TLK1: variants seen among roughly 807,000 people sequenced by gnomAD.
The protein encoded by TLK1 is tousled like kinase 1.
A neutral mutation model predicts 105.3 loss-of-function variants in TLK1; 24 were observed. The ratio of observed to expected loss-of-function variants is 0.23; its 90% CI spans 0.17 to 0.32. TLK1 has a LOEUF of 0.32. Among genes scored for constraint, TLK1 ranks in the 10% least tolerant of loss-of-function variants. The pLI is 1.00. For missense variants in TLK1, 558 were observed against 910.5 expected (o/e 0.61, Z 4.98); for synonymous variants, 321 against 310.4 (o/e 1.03, Z -0.36).
chr2:171,226,596 G>A (rs2105333486), intron 1 of TLK1, among the ~76,000 whole-genome samples: 1 of 152,264 alleles, frequency 6.6e-6, no homozygotes, highest in East Asian at 1.9e-4. Context: ...ATCATGGAGG[G>A]AAAGCACTTC....
At chr2:171,080,145 C>A (rs1018499355) in intron 3 of TLK1, among the ~76,000 whole-genome samples, 1 of 146,076 alleles carries the variant, frequency 6.8e-6, no homozygotes, top group African/African-American at 2.5e-5. Flanking sequence ...TGCAGTGAGA[C>A]GAGATCGCAC....
chr2:171,038,501 A>G (rs1686486525), intron 11 of TLK1, among the ~76,000 whole-genome samples: 1 of 152,124 alleles, frequency 6.6e-6, no homozygotes, highest in Non-Finnish European at 1.5e-5. Context: ...CAATTTTGTT[A>G]TGTAGCACTT....
intron 1 of TLK1, among the ~76,000 whole-genome samples, chr2:171,118,698 A>G (rs1482413637): frequency 2.6e-5 from 4 of 152,240 alleles, no homozygotes; most frequent in African/African-American, 9.6e-5. Flanking sequence ...CAAAAACCCC[A>G]GAAGTGACAT....
At chr2:171,197,514 C>T (rs1366881839) in intron 1 of TLK1, among the ~76,000 whole-genome samples, 1 of 152,162 alleles carries the variant, frequency 6.6e-6, no homozygotes, top group Admixed American at 6.5e-5. Flanking sequence ...CACAGTGGCT[C>T]ACGCCTGCAA....
At chr2:171,203,570 A>C (rs1382938948) in intron 1 of TLK1, among the ~76,000 whole-genome samples, 1 of 152,190 alleles carries the variant, frequency 6.6e-6, no homozygotes, top group East Asian at 1.9e-4. Flanking sequence ...TATAAACCAC[A>C]TTTTGTTTAT....
Position 171,224,659 on chromosome 2 carries a change from T to C in TLK1, c.-6+6486A>G, listed in dbSNP as rs371892133. On this transcript the variant is annotated intron_variant, in intron 1 of 20. Transcript: ENST00000521943. Reference sequence around the variant, plus strand: ...ATCTACAGATTCAACAAAATCCCTATAAAAATCCCAGCTACTTTTTTAATT... The same window carrying C: ...ATCTACAGATTCAACAAAATCCCTACAAAAATCCCAGCTACTTTTTTAATT... Among the ~76,000 whole-genome samples the C allele has an allele frequency of 1.5e-4, 23 of 152,276 alleles. No homozygotes were observed. The South Asian group carries it at 4.8e-3, about 32-fold the overall frequency.
chr2:171,160,366 C>T lies in TLK1; in HGVS notation c.63G>A (p.Thr21=), dbSNP rs2105614010. Residue 21 remains threonine (T), a synonymous_variant, in exon 1 of 21, where the codon ACG becomes ACA. Coordinates refer to ENST00000431350, the MANE Select transcript of TLK1 (RefSeq NM_012290.5). This position sits in a 1 kb window ranked among gnomAD's most constrained non-coding sequence, Gnocchi z 4.4. ...EGPPSWSQLS[T]SPTPGSAAAA... ...CCGCCGCCGAGCCCGGGGTTGGAGA[C>T]GTGGAGAGCTGGGACCAAGATGGCG... The T allele has an allele frequency of 1.2e-6, 2 of 1,605,610 alleles. No homozygotes were observed. Among genetic ancestry groups the T allele is most frequent in the Non-Finnish European group, 1.7e-6 (2 of 1,176,596 alleles).
At chr2:171,228,446 G>A (rs1401296130) in intron 1 of TLK1, among the ~76,000 whole-genome samples, 1 of 152,166 alleles carries the variant, frequency 6.6e-6, no homozygotes, top group Non-Finnish European at 1.5e-5. Flanking sequence ...AGTTACTTGG[G>A]AGGCTGAGGT....
At chr2:171,210,623 A>C (rs1299559886) in intron 1 of TLK1, among the ~76,000 whole-genome samples, 1 of 152,240 alleles carries the variant, frequency 6.6e-6, no homozygotes, top group Non-Finnish European at 1.5e-5. Flanking sequence ...ACAAAGTCAA[A>C]CAAAACAAAC....
intron 1 of TLK1, among the ~76,000 whole-genome samples, chr2:171,203,978 TG>T (rs1252527721): frequency 1.3e-5 from 2 of 151,220 alleles, no homozygotes; most frequent in African/African-American, 4.9e-5. Context: ...CTTGAACCGG[TG>T]GGGGGCAGAG....
intron 1 of TLK1, chr2:171,153,863 C>CTT (rs1692135636): frequency 6.6e-6 from 1 of 152,200 alleles, no homozygotes; most frequent in African/African-American, 2.4e-5. Flanking sequence ...TGCTCATAAA[C>CTT]TTAAATACCC....
At chr2:171,023,022 T>G (rs1685599759) in intron 12 of TLK1, 4 of 470,534 alleles carry the variant, frequency 8.5e-6, no homozygotes, top group Middle Eastern at 3.3e-4. Context: ...TCATGGAAGA[T>G]TAATACTGAT....
chr2:171,201,898 C>CATCTATCTATCTATCT (rs3081728), intron 1 of TLK1, among the ~76,000 whole-genome samples: 15 of 148,178 alleles, frequency 1.0e-4, no homozygotes, highest in East Asian at 4.0e-4. Flanking sequence ...TATCAGCTAT[C>CATCTATCTATCTATCT]ATCTATCTAT....
chr2:171,202,351 C>G (rs1693420379), intron 1 of TLK1, among the ~76,000 whole-genome samples: 1 of 152,048 alleles, frequency 6.6e-6, no homozygotes, highest in Non-Finnish European at 1.5e-5. Context: ...ACTCGGGAGG[C>G]TGAGGCAGGA....
intron 1 of TLK1, among the ~76,000 whole-genome samples, chr2:171,229,309 A>G (rs1693951322): frequency 6.6e-6 from 1 of 152,176 alleles, no homozygotes. Flanking sequence ...ATTCAGTGCC[A>G]GTCTTGTGCA....
intron 2 of TLK1, among the ~76,000 whole-genome samples, chr2:171,109,472 A>G (rs1690068595): frequency 6.6e-6 from 1 of 152,202 alleles, no homozygotes; most frequent in South Asian, 2.1e-4. Flanking sequence ...AAACAAGAAA[A>G]GTTAAAATAA....
At chr2:171,017,981 G>A (rs551630018) in intron 12 of TLK1, among the ~76,000 whole-genome samples, 22 of 152,298 alleles carry the variant, frequency 1.4e-4, no homozygotes, top group African/African-American at 4.1e-4. Context: ...ACTCTGCTAC[G>A]CTAAAAATTC....
intron 1 of TLK1, among the ~76,000 whole-genome samples, chr2:171,136,045 T>A (rs1288345529): frequency 3.3e-5 from 5 of 152,186 alleles, no homozygotes; most frequent in African/African-American, 1.2e-4. Flanking sequence ...CTACTCACGA[T>A]ACCCAAGAAG....
chr2:171,021,811 C>T (rs1391798599), intron 12 of TLK1, among the ~76,000 whole-genome samples: 3 of 152,030 alleles, frequency 2.0e-5, no homozygotes, highest in African/African-American at 7.2e-5. Context: ...TAATATTAAA[C>T]ACTGTGGATC....
Sources: allele counts gnomAD v4.1 joint callset (sites outside exome capture counted in the v4.1 genomes callset), GRCh38; gene constraint gnomAD v4.1.1; non-coding constraint Gnocchi (gnomAD v3.1); transcripts MANE v1.5; gene names NCBI Gene and HGNC (gene_info 2026-07-23, HGNC 2026-07-21).